The following MACROD2 variants were observed in gnomAD, a reference collection of about 807,000 sequenced individuals.
The protein encoded by MACROD2 is mono-ADP ribosylhydrolase 2.
A neutral mutation model predicts 70.4 loss-of-function variants in MACROD2; 36 were observed. The observed-to-expected ratio is 0.51, with a 90% CI of 0.39 to 0.68. The LOEUF is 0.68. Among genes scored for constraint, MACROD2 ranks in the 30% least tolerant of loss-of-function variants. MACROD2 has a pLI of 0.00. For synonymous variants in MACROD2, 172 were observed against 178.8 expected (o/e 0.96, Z 0.30); for missense variants, 496 against 538.4 (o/e 0.92, Z 0.78).
intron 6 of MACROD2, among the ~76,000 whole-genome samples, chr20:15,242,354 C>A (rs928477844): frequency 6.6e-6 from 1 of 152,148 alleles, no homozygotes; most frequent in Non-Finnish European, 1.5e-5. Flanking sequence ...AGTGTTAAAC[C>A]AGCCATACAT....
At chr20:14,280,872 A>G (rs546193213) in intron 3 of MACROD2, among the ~76,000 whole-genome samples, 1 of 152,308 alleles carries the variant, frequency 6.6e-6, no homozygotes, top group East Asian at 1.9e-4. Flanking sequence ...GCTAAAAGTT[A>G]TTGTGAATTC....
At chr20:14,898,591 A>T (rs1249753692) in intron 5 of MACROD2, among the ~76,000 whole-genome samples, 1 of 152,128 alleles carries the variant, frequency 6.6e-6, no homozygotes, top group Non-Finnish European at 1.5e-5. Context: ...GAAAATTAAA[A>T]AATTTCAAAA....
chr20:15,850,010 G>A (rs745640886), intron 8 of MACROD2, among the ~76,000 whole-genome samples: 9 of 152,170 alleles, frequency 5.9e-5, no homozygotes, highest in Non-Finnish European at 1.3e-4. Flanking sequence ...GTACCTTATC[G>A]GAGTGAGAAG....
chr20:15,968,055 A>G (rs952678624), intron 13 of MACROD2, among the ~76,000 whole-genome samples: 5 of 152,230 alleles, frequency 3.3e-5, no homozygotes, highest in Non-Finnish European at 5.9e-5. Flanking sequence ...TAGAAAAATA[A>G]CAGAAAATAA....
intron 5 of MACROD2, among the ~76,000 whole-genome samples, chr20:15,184,055 A>G (rs564531404): frequency 3.3e-5 from 5 of 151,842 alleles, no homozygotes; most frequent in Non-Finnish European, 7.4e-5. Context: ...CTCAGTCTGA[A>G]TCATTCCGGA....
chr20:15,048,888 A>G (rs989201118), intron 5 of MACROD2, among the ~76,000 whole-genome samples: 8 of 152,178 alleles, frequency 5.3e-5, no homozygotes, highest in African/African-American at 1.9e-4. Context: ...ATGTTTTTCA[A>G]CATTGTTCTG....
intron 5 of MACROD2, among the ~76,000 whole-genome samples, chr20:15,141,365 G>T (rs1403291480): frequency 6.6e-6 from 1 of 151,062 alleles, no homozygotes; most frequent in African/African-American, 2.4e-5. Flanking sequence ...CATGCATTCA[G>T]GTACTCGCAT....
intron 6 of MACROD2, among the ~76,000 whole-genome samples, chr20:15,314,636 G>T (rs530343571): frequency 3.9e-5 from 6 of 152,238 alleles, no homozygotes; most frequent in African/African-American, 1.2e-4. Context: ...CAAGTTGTTT[G>T]TCTTTATTTT....
intron 2 of MACROD2, among the ~76,000 whole-genome samples, chr20:14,019,423 C>T (rs996253696): frequency 6.6e-6 from 1 of 152,084 alleles, no homozygotes; most frequent in African/African-American, 2.4e-5. Flanking sequence ...GCACGTGCCA[C>T]CATGCCCGGC....
chr20:15,285,135 C>G (rs992438253), intron 6 of MACROD2, among the ~76,000 whole-genome samples: 5 of 152,102 alleles, frequency 3.3e-5, no homozygotes, highest in Non-Finnish European at 2.9e-5. Context: ...AGTTAACAGT[C>G]CTGCCCAATG....
chr20:16,036,688 A>C (rs1037065012), intron 15 of MACROD2, among the ~76,000 whole-genome samples: 1 of 152,008 alleles, frequency 6.6e-6, no homozygotes, highest in African/African-American at 2.4e-5. Context: ...TAGGGCATCC[A>C]GTTGCACTGC....
chr20:14,670,433 T>A (rs1028742880), intron 4 of MACROD2, among the ~76,000 whole-genome samples: 4 of 152,150 alleles, frequency 2.6e-5, no homozygotes, highest in Non-Finnish European at 4.4e-5. Flanking sequence ...TCTTCTTTAG[T>A]GGTGTGGTCA....
At chr20:14,491,098 T>C (rs999121976) in intron 3 of MACROD2, among the ~76,000 whole-genome samples, 9 of 152,146 alleles carry the variant, frequency 5.9e-5, no homozygotes, top group African/African-American at 2.2e-4. Context: ...TTCTGTAAAA[T>C]GGAAGAAGTA....
intron 8 of MACROD2, among the ~76,000 whole-genome samples, chr20:15,667,072 G>T (rs1015358058): frequency 5.9e-5 from 9 of 151,980 alleles, no homozygotes; most frequent in African/African-American, 2.2e-4. Context: ...TTGGATATTT[G>T]TCCCCACCCA....
chr20:15,807,929 C>T (rs2063783788), intron 8 of MACROD2, among the ~76,000 whole-genome samples: 1 of 152,078 alleles, frequency 6.6e-6, no homozygotes, highest in African/African-American at 2.4e-5. Flanking sequence ...CCTGGCGCCA[C>T]ACCCTGGGCC....
chr20:15,339,892 G>A (rs778472930), intron 6 of MACROD2, among the ~76,000 whole-genome samples: 1 of 150,860 alleles, frequency 6.6e-6, no homozygotes, highest in Non-Finnish European at 1.5e-5. Context: ...CCATTGCAAT[G>A]TAGTTTTAAT....
intron 5 of MACROD2, among the ~76,000 whole-genome samples, chr20:15,054,102 A>G (rs559568302): frequency 3.3e-5 from 5 of 152,234 alleles, no homozygotes; most frequent in Non-Finnish European, 5.9e-5. Context: ...ATGAGCAAAG[A>G]AACTGGTTTA....
At chr20:14,422,220 C>T (rs1420406646) in intron 3 of MACROD2, among the ~76,000 whole-genome samples, 2 of 152,064 alleles carry the variant, frequency 1.3e-5, no homozygotes. Flanking sequence ...TATAGCAACC[C>T]CAACTATCTT....
At chr20:14,241,358 T>G (rs2081928040) in intron 3 of MACROD2, among the ~76,000 whole-genome samples, 2 of 152,174 alleles carry the variant, frequency 1.3e-5, no homozygotes, top group African/African-American at 4.8e-5. Flanking sequence ...GCTTATAGAA[T>G]CAGTATGATT....
Sources: allele counts gnomAD v4.1 joint callset (sites outside exome capture counted in the v4.1 genomes callset), GRCh38; gene constraint gnomAD v4.1.1; transcripts MANE v1.5; gene names NCBI Gene and HGNC (gene_info 2026-07-23, HGNC 2026-07-21).